The following DAB1 variants were observed in gnomAD, a reference collection of about 807,000 sequenced individuals.
DAB1 encodes DAB adaptor protein 1.
In DAB1, 15 loss-of-function variants were observed where a neutral mutation model predicts 64.6. The observed-to-expected ratio is 0.23, with a 90% confidence interval of 0.16 to 0.36. DAB1 has a LOEUF of 0.36. DAB1 is among the 10% of genes least tolerant of loss of function. The probability of loss-of-function intolerance (pLI) is 1.00; values close to 1 mark genes in which losing one functional copy is unlikely to be tolerated. For synonymous variants in DAB1, 235 were observed against 251.9 expected, an observed-to-expected ratio of 0.93 and a Z score of 0.64; for missense variants, 596 against 706.7, an observed-to-expected ratio of 0.84 and a Z score of 1.78.
At chr1:58,274,882 C>G (rs1458819758) in intron 4 of DAB1, among the ~76,000 whole-genome samples, 1 of 151,990 alleles carries the variant, frequency 6.6e-6, no homozygotes, top group Non-Finnish European at 1.5e-5. Context: ...GGTGCGCGCA[C>G]CCACTGGCCT....
intron 5 of DAB1, among the ~76,000 whole-genome samples, chr1:58,075,912 T>C (rs1649607762): frequency 6.6e-6 from 1 of 151,430 alleles, no homozygotes; most frequent in Admixed American, 6.6e-5. Flanking sequence ...CTATTGAGAA[T>C]ATCTGTTACA....
At chr1:58,064,230 C>A (rs1648692789) in intron 5 of DAB1, among the ~76,000 whole-genome samples, 1 of 152,108 alleles carries the variant, frequency 6.6e-6, no homozygotes, top group African/African-American at 2.4e-5. Context: ...GGACCAATTA[C>A]TCTCATCTTA....
intron 5 of DAB1, among the ~76,000 whole-genome samples, chr1:58,084,820 T>C (rs1278547626): frequency 1.3e-5 from 2 of 150,644 alleles, no homozygotes; most frequent in Non-Finnish European, 3.0e-5. Context: ...TGTGTATATA[T>C]ATATGTGCAC....
intron 7 of DAB1, among the ~76,000 whole-genome samples, chr1:57,443,016 A>T (rs544604921): frequency 6.6e-6 from 1 of 152,346 alleles, no homozygotes; most frequent in South Asian, 2.1e-4. Context: ...CACTTCTCTC[A>T]ACCCTGAACA....
intron 5 of DAB1, among the ~76,000 whole-genome samples, chr1:57,956,788 A>G (rs951129570): frequency 6.6e-6 from 1 of 152,248 alleles, no homozygotes; most frequent in South Asian, 2.1e-4. Context: ...ATCATATGCA[A>G]CTGAAGTGGA....
chr1:58,122,664 T>C (rs1193638237), intron 5 of DAB1, among the ~76,000 whole-genome samples: 1 of 152,162 alleles, frequency 6.6e-6, no homozygotes, highest in African/African-American at 2.4e-5. Context: ...CCACCTTGTG[T>C]CCAAGAATTG....
At chr1:57,664,215 A>C (rs1036927498) in intron 6 of DAB1, among the ~76,000 whole-genome samples, 5 of 152,310 alleles carry the variant, frequency 3.3e-5, no homozygotes, top group Non-Finnish European at 7.4e-5. Flanking sequence ...CCACATCTTT[A>C]CTGGATCTGG....
chr1:58,337,148 G>A (rs751504162), intron 4 of DAB1, among the ~76,000 whole-genome samples: 9 of 151,904 alleles, frequency 5.9e-5, no homozygotes, highest in Admixed American at 3.3e-4. Context: ...CAGGCGTGGC[G>A]ATGCGGGCCT....
chr1:57,405,911 A>G (rs1010139724), intron 1 of DAB1, among the ~76,000 whole-genome samples: 5 of 152,228 alleles, frequency 3.3e-5, no homozygotes, highest in African/African-American at 1.2e-4. Flanking sequence ...TACACAAAGT[A>G]AAGGCTATTT....
At chr1:58,336,122 C>T (rs528825223) in intron 4 of DAB1, among the ~76,000 whole-genome samples, 3 of 152,256 alleles carry the variant, frequency 2.0e-5, no homozygotes, top group South Asian at 2.1e-4. Context: ...GTGACATGCA[C>T]GGGATCAGGC....
At chr1:58,074,564 G>GTGTGTGTGTATATATATATATA (rs1332531604) in intron 5 of DAB1, 28 of 91,628 alleles carry the variant, frequency 3.1e-4, no homozygotes, top group South Asian at 3.5e-4. Flanking sequence ...ATATATGTGT[G>GTGTGTGTGTATATATATATATA]TATATATATA....
At chr1:57,228,369 C>A (rs1435885850) in intron 2 of DAB1, among the ~76,000 whole-genome samples, 1 of 151,212 alleles carries the variant, frequency 6.6e-6, no homozygotes, top group East Asian at 1.9e-4. Flanking sequence ...AGAATACACT[C>A]AAAAAAACAC....
At chr1:58,027,076 A>G (rs548103603) in intron 5 of DAB1, among the ~76,000 whole-genome samples, 1 of 152,372 alleles carries the variant, frequency 6.6e-6, no homozygotes, top group Admixed American at 6.5e-5. Flanking sequence ...GCCCTGTGAC[A>G]AGGCTCAGGC....
intron 4 of DAB1, among the ~76,000 whole-genome samples, chr1:58,210,135 C>T (rs1226953284): frequency 1.3e-5 from 2 of 152,120 alleles, no homozygotes; most frequent in African/African-American, 2.4e-5. Context: ...TATTTTTACA[C>T]GAATTTTTAA....
At chr1:57,610,684 G>C (rs1197404043) in intron 7 of DAB1, among the ~76,000 whole-genome samples, 1 of 152,190 alleles carries the variant, frequency 6.6e-6, no homozygotes, top group East Asian at 1.9e-4. Flanking sequence ...CAGCAGGAGA[G>C]AGAGTGAATG....
At chr1:58,102,368 G>C (rs770029161) in intron 5 of DAB1, among the ~76,000 whole-genome samples, 2 of 152,170 alleles carry the variant, frequency 1.3e-5, no homozygotes, top group African/African-American at 2.4e-5. Flanking sequence ...GTACCCCGGA[G>C]AGCACTTAGT....
At chr1:58,166,232 T>C (rs1050738536) in intron 4 of DAB1, among the ~76,000 whole-genome samples, 4 of 152,212 alleles carry the variant, frequency 2.6e-5, no homozygotes, top group Admixed American at 6.5e-5. Flanking sequence ...TCAGTAAATT[T>C]ACATAACCGT....
intron 6 of DAB1, among the ~76,000 whole-genome samples, chr1:57,757,220 T>TTTTTG (rs200688727): frequency 4.7e-4 from 56 of 120,178 alleles, no homozygotes; most frequent in East Asian, 1.0e-3. Context: ...TTTTTTTTTT[T>TTTTTG]AGCAGCAATG....
chr1:57,784,029 T>C (rs1195035519), intron 6 of DAB1, among the ~76,000 whole-genome samples: 3 of 152,116 alleles, frequency 2.0e-5, no homozygotes, highest in Non-Finnish European at 2.9e-5. Flanking sequence ...TCACTTTAAG[T>C]CAAAAACTAG....
Sources: gnomAD v4.1 joint callset for allele counts (sites outside exome capture counted in the v4.1 genomes callset) on GRCh38, gnomAD v4.1.1 for gene constraint, MANE v1.5 for transcripts, NCBI Gene and HGNC (gene_info 2026-07-23, HGNC 2026-07-21) for gene names.